Variants in AKAP9 observed in about 807,000 individuals in gnomAD.
AKAP9 encodes A-kinase anchoring protein 9, also known as A-kinase anchor protein 9.
Under a neutral mutation model 488.5 loss-of-function variants are expected in AKAP9, and 311 were observed. The ratio of observed to expected loss-of-function variants is 0.64; its 90% CI spans 0.58 to 0.70. The LOEUF is 0.70. AKAP9 is among the 30% of genes least tolerant of loss of function. The pLI is 0.00. For synonymous variants in AKAP9, 1,462 were observed against 1,483.5 expected, an observed-to-expected ratio of 0.99 and a Z score of 0.33; for missense variants, 4,215 against 4,374.5, an observed-to-expected ratio of 0.96 and a Z score of 1.03.
At chr7:91,952,223 C>T (rs1221069892) in intron 1 of AKAP9, among the ~76,000 whole-genome samples, 4 of 152,148 alleles carry the variant, frequency 2.6e-5, no homozygotes, top group African/African-American at 7.2e-5. Context: ...AAGTCAATCA[C>T]GATACAATAA....
chr7:92,026,245 T>A (rs117149878), intron 14 of AKAP9, among the ~76,000 whole-genome samples: 4 of 152,184 alleles, frequency 2.6e-5, no homozygotes, highest in East Asian at 3.9e-4. Flanking sequence ...TACGCCAGAC[T>A]GTTTTTTTCA....
At chr7:92,091,383 C>T (rs1269036495) in intron 38 of AKAP9, among the ~76,000 whole-genome samples, 5 of 151,854 alleles carry the variant, frequency 3.3e-5, no homozygotes, top group African/African-American at 1.2e-4. Flanking sequence ...GTCAGGAGTA[C>T]GAGACCAGCC....
intron 21 of AKAP9, among the ~76,000 whole-genome samples, chr7:92,046,544 A>T (rs1807037117): frequency 6.6e-6 from 1 of 152,238 alleles, no homozygotes; most frequent in South Asian, 2.1e-4. Context: ...CTGAGTTCAA[A>T]GATAGTTTTA....
In AKAP9 at chr7:91,940,940, G is replaced by T; in HGVS notation, c.-160G>T. 2 of 769,706 alleles carry T rather than the reference G, an allele frequency of 2.6e-6. No individual in the cohort carries two copies. Among genetic ancestry groups the T allele is most frequent in the South Asian group, 3.0e-5 (2 of 65,746 alleles). 47.7% of individuals were successfully genotyped at this position (769,706 alleles called of 1,614,324 possible). Reference sequence around the variant, plus strand: ...GTGCGGCTGAGGACGATCCGCCAGTGAGCGCGGAGACTGCTTCCACTTCGG... The same window carrying T: ...GTGCGGCTGAGGACGATCCGCCAGTTAGCGCGGAGACTGCTTCCACTTCGG... On this transcript the variant is annotated 5_prime_UTR_variant, in exon 1 of 50. The change abolishes the stop of an existing upstream ORF in the 5' untranslated region. Coordinates refer to ENST00000356239, the MANE Select transcript of AKAP9 (RefSeq NM_005751.5).
intron 46 of AKAP9, 38 bp downstream of exon 46, chr7:92,102,864 T>C (rs1442642322): frequency 1.3e-6 from 2 of 1,513,316 alleles, no homozygotes; most frequent in Non-Finnish European, 1.8e-6. Flanking sequence ...ACTAGTAGAC[T>C]CTCTAAAAGG....
intron 8 of AKAP9, 48 bp downstream of exon 8, chr7:92,003,283 C>T (rs745594822): frequency 5.8e-6 from 8 of 1,385,362 alleles, no homozygotes; most frequent in Non-Finnish European, 8.2e-6. Flanking sequence ...AAAAAATGTA[C>T]ATTTCACACT....
intron 4 of AKAP9, among the ~76,000 whole-genome samples, chr7:91,992,661 C>CAAAA (rs770870521): frequency 1.1e-4 from 5 of 46,610 alleles, no homozygotes; most frequent in Non-Finnish European, 1.8e-4. Flanking sequence ...AAGACTCTGT[C>CAAAA]AAAAAAAAAA....
rs1055492189 is a variant in AKAP9, at chr7:92,012,358, A to G, written c.3319-71A>G. The G allele has an allele frequency of 5.8e-6, 8 of 1,384,922 alleles. No individual in the cohort carries two copies. In the African/African-American group the frequency reaches 1.0e-4, roughly 18 times the overall value. 85.8% of individuals were successfully genotyped at this position (1,384,922 alleles called of 1,614,324 possible). Reference sequence around the variant, plus strand: ...TTAAACTCTTGTAGTCAGTATATGCAAAAAAAAGAAGTTAAATTATTTGAT... The same window carrying G: ...TTAAACTCTTGTAGTCAGTATATGCGAAAAAAAGAAGTTAAATTATTTGAT... On this transcript the variant is annotated intron_variant, in intron 8 of 49. Coordinates refer to ENST00000356239, the MANE Select transcript of AKAP9 (RefSeq NM_005751.5).
intron 17 of AKAP9, among the ~76,000 whole-genome samples, chr7:92,040,083 T>C (rs1236267414): frequency 6.6e-6 from 1 of 152,246 alleles, no homozygotes; most frequent in African/African-American, 2.4e-5. Flanking sequence ...ATTATTTGTA[T>C]AAGTAACATT....
At chr7:91,948,377 A>G (rs1338443652) in intron 1 of AKAP9, among the ~76,000 whole-genome samples, 1 of 152,008 alleles carries the variant, frequency 6.6e-6, no homozygotes, top group East Asian at 1.9e-4. Flanking sequence ...TGACTGTACC[A>G]TTTTACCTTC....
At chr7:92,093,433 T>C (rs1041968470) in intron 39 of AKAP9, 117 bp downstream of exon 39, 11 of 874,972 alleles carry the variant, frequency 1.3e-5, no homozygotes, top group African/African-American at 6.7e-5. Flanking sequence ...CATGCAACTG[T>C]TTTTTTTAGG....
intron 9 of AKAP9, 69 bp from the exon 10 acceptor site, chr7:92,014,178 CAT>C: frequency 9.3e-7 from 1 of 1,081,078 alleles, no homozygotes; most frequent in Non-Finnish European, 1.4e-6. Context: ...CCAGTTGAAA[CAT>C]AAGTTAAATA....
At chr7:92,033,672 A>G (rs1445582687) in intron 16 of AKAP9, among the ~76,000 whole-genome samples, 1 of 152,076 alleles carries the variant, frequency 6.6e-6, no homozygotes, top group Non-Finnish European at 1.5e-5. Context: ...TCCTGATCTC[A>G]AGCAATCTAC....
At chr7:91,960,614 A>G (rs372642260) in intron 1 of AKAP9, among the ~76,000 whole-genome samples, 2 of 152,164 alleles carry the variant, frequency 1.3e-5, no homozygotes, top group African/African-American at 4.8e-5. Context: ...TTTTTCTTCA[A>G]AGCACTTTTT....
chr7:92,000,571 T>C (rs906115203), intron 7 of AKAP9, among the ~76,000 whole-genome samples: 2 of 152,220 alleles, frequency 1.3e-5, no homozygotes, highest in African/African-American at 4.8e-5. Flanking sequence ...AAAATCAGAC[T>C]GGGTTTTTAA....
intron 7 of AKAP9, 135 bp downstream of exon 7, chr7:91,995,935 A>C: frequency 1.5e-6 from 1 of 682,166 alleles, no homozygotes; most frequent in South Asian, 1.9e-5. Flanking sequence ...ATTTATTTCA[A>C]AAGCAAATGG....
chr7:92,102,743 C>T lies in AKAP9; in HGVS notation c.11247C>T (p.Phe3749=). The change falls in exon 46 of 50, where the codon TTC becomes TTT. Residue 3749 remains phenylalanine, a synonymous_variant. Transcript: ENST00000356239. ...LLARMGGQPA[F]TDLEVITNRP... ...CCCGGATGGGGGGGCAGCCAGCTTTCACGGATCTAGAGGTGATCACCAATC... is the reference window on the plus strand; with the variant it reads ...CCCGGATGGGGGGGCAGCCAGCTTTTACGGATCTAGAGGTGATCACCAATC... 3 of 1,614,230 alleles carry T rather than the reference C, an allele frequency of 1.9e-6. No homozygotes were observed. Among genetic ancestry groups the T allele is most frequent in the Non-Finnish European group, 2.5e-6 (3 of 1,180,040 alleles).
intron 12 of AKAP9, among the ~76,000 whole-genome samples, chr7:92,018,443 G>T (rs28445793): frequency 2.8e-5 from 1 of 35,986 alleles, no homozygotes; most frequent in African/African-American, 1.1e-4. Flanking sequence ...CACACACACA[G>T]AGAAATATTC....
rs1169184218 is a variant in AKAP9, at chr7:92,038,536, C to T, written c.4456C>T (p.His1486Tyr). The T allele has an allele frequency of 2.5e-6, 4 of 1,613,772 alleles. No homozygotes were observed. Among genetic ancestry groups the T allele is most frequent in the African/African-American group, 1.3e-5 (1 of 74,998 alleles). The change falls in exon 17 of 50, where the codon CAT becomes TAT. Residue 1486 changes from histidine (H) to tyrosine (Y), a missense_variant. Around this residue, in one of 5 missense-constraint regions of AKAP9, gnomAD observed 2,361 missense variants for 2,430.0 expected, o/e 0.97. Coordinates refer to ENST00000356239, the MANE Select transcript of AKAP9 (RefSeq NM_005751.5). The stretch of plus-strand genomic sequence containing the variant: ...ACATGCTGTGTGTCAGCAAGAACAA[C>T]ATTATTTTAATGAAATGAAATTATC... ...QAHAVCQQEQ[H>Y]YFNEMKLSQD...
Sources: gnomAD v4.1 joint callset for allele counts (sites outside exome capture counted in the v4.1 genomes callset) on GRCh38, gnomAD v4.1.1 for gene constraint, gnomAD v4.1.1 regional missense constraint, MANE v1.5 for transcripts, NCBI Gene and HGNC (gene_info 2026-07-23, HGNC 2026-07-21) for gene names.